Variants in ENTREP2 observed in about 807,000 individuals in gnomAD.
ENTREP2 encodes the protein protein ENTREP2.
the ENTREP2 span, among the ~76,000 whole-genome samples, chr15:29,437,113 T>C: frequency 1.3e-5 from 2 of 152,230 alleles, no homozygotes. Context: ...GTCCCTGACT[T>C]TTCCTATCCC....
the ENTREP2 span, among the ~76,000 whole-genome samples, chr15:29,670,319 A>T: frequency 1.2e-4 from 19 of 152,174 alleles, no homozygotes; most frequent in Admixed American, 5.2e-4. Flanking sequence ...TAGAAGTAAG[A>T]TGGCTCTGGG....
the ENTREP2 span, among the ~76,000 whole-genome samples, chr15:29,585,370 A>C: frequency 6.6e-6 from 1 of 152,340 alleles, no homozygotes; most frequent in Non-Finnish European, 1.5e-5. Context: ...CTCGAAAAAA[A>C]GAAATAGCCA....
chr15:29,503,941 G>A, the ENTREP2 span, among the ~76,000 whole-genome samples: 14 of 152,180 alleles, frequency 9.2e-5, no homozygotes, highest in Admixed American at 4.6e-4. Flanking sequence ...TCTGTTAAAA[G>A]AACTGAGATG....
chr15:29,552,082 G>C, the ENTREP2 span, among the ~76,000 whole-genome samples: 1 of 152,178 alleles, frequency 6.6e-6, no homozygotes, highest in Non-Finnish European at 1.5e-5. Flanking sequence ...ACAGCATGGA[G>C]TGGGAAATGG....
the ENTREP2 span, among the ~76,000 whole-genome samples, chr15:29,439,590 T>C: frequency 6.6e-6 from 1 of 152,142 alleles, no homozygotes; most frequent in Non-Finnish European, 1.5e-5. Flanking sequence ...ACCAGGGTGA[T>C]TGCTGCTGGG....
the ENTREP2 span, among the ~76,000 whole-genome samples, chr15:29,304,817 C>T: frequency 0.13 from 19,203 of 152,148 alleles, 1,635 homozygotes; most frequent in African/African-American, 0.24. Context: ...TTAGAACTGT[C>T]AGTCCCACTC....
the ENTREP2 span, among the ~76,000 whole-genome samples, chr15:29,646,928 C>T: frequency 1.3e-5 from 2 of 152,336 alleles, no homozygotes; most frequent in Non-Finnish European, 2.9e-5. Context: ...TTCAAACCCA[C>T]TTCTCTATCC....
At chr15:29,398,349 G>A in the ENTREP2 span, among the ~76,000 whole-genome samples, 1 of 151,840 alleles carries the variant, frequency 6.6e-6, no homozygotes, top group Admixed American at 6.6e-5. Context: ...ATATTAATGT[G>A]ACGAAAATGA....
the ENTREP2 span, among the ~76,000 whole-genome samples, chr15:29,345,183 T>C: frequency 5.9e-5 from 9 of 152,104 alleles, no homozygotes; most frequent in African/African-American, 2.2e-4. Context: ...CCGTAACTGA[T>C]GGGAATATTA....
At chr15:29,514,422 T>G in the ENTREP2 span, among the ~76,000 whole-genome samples, 1 of 152,238 alleles carries the variant, frequency 6.6e-6, no homozygotes, top group African/African-American at 2.4e-5. Flanking sequence ...TCTTCCACTG[T>G]GTATACAGAC....
chr15:29,456,723 G>A, the ENTREP2 span, among the ~76,000 whole-genome samples: 1 of 152,190 alleles, frequency 6.6e-6, no homozygotes, highest in African/African-American at 2.4e-5. Context: ...TAGAACGGAA[G>A]GAGAGCTTAG....
At chr15:29,351,916 T>G in the ENTREP2 span, among the ~76,000 whole-genome samples, 17 of 151,014 alleles carry the variant, frequency 1.1e-4, no homozygotes, top group African/African-American at 4.1e-4. Flanking sequence ...TGGGATTACA[T>G]GCACGAGCCA....
At chr15:29,223,762 C>T in the ENTREP2 span, among the ~76,000 whole-genome samples, 1 of 152,136 alleles carries the variant, frequency 6.6e-6, no homozygotes, top group Non-Finnish European at 1.5e-5. Flanking sequence ...TCTGGAGCCC[C>T]TGCGCCTGCA....
the ENTREP2 span, among the ~76,000 whole-genome samples, chr15:29,237,721 G>A: frequency 4.6e-5 from 7 of 152,164 alleles, no homozygotes; most frequent in Non-Finnish European, 1.0e-4. Flanking sequence ...AATGTACAAT[G>A]GTGCAGCTGC....
the ENTREP2 span, among the ~76,000 whole-genome samples, chr15:29,329,145 G>A: frequency 2.8e-3 from 424 of 152,134 alleles, 1 homozygote; most frequent in African/African-American, 9.6e-3. Context: ...GGTGGATCAC[G>A]AGGTCAGGGG....
the ENTREP2 span, among the ~76,000 whole-genome samples, chr15:29,205,952 C>A: frequency 6.6e-6 from 1 of 152,186 alleles, no homozygotes; most frequent in African/African-American, 2.4e-5. Flanking sequence ...ATCTCACTTG[C>A]CTCACTCAGT....
chr15:29,560,777 T>A, the ENTREP2 span, among the ~76,000 whole-genome samples: 12 of 152,056 alleles, frequency 7.9e-5, no homozygotes, highest in South Asian at 2.3e-3. Flanking sequence ...ATGTTCAACA[T>A]GTCCCACAGC....
the ENTREP2 span, among the ~76,000 whole-genome samples, chr15:29,205,562 T>TA: frequency 6.6e-6 from 1 of 152,238 alleles, no homozygotes; most frequent in African/African-American, 2.4e-5. Flanking sequence ...TGCATTTCCC[T>TA]AACCATTAGT....
At chr15:29,319,751 C>T in the ENTREP2 span, among the ~76,000 whole-genome samples, 20 of 152,188 alleles carry the variant, frequency 1.3e-4, no homozygotes, top group Non-Finnish European at 2.4e-4. Context: ...CACAGGGTCC[C>T]GGCTGAGATC....
Sources: gnomAD v4.1 joint callset for allele counts (sites outside exome capture counted in the v4.1 genomes callset) on GRCh38, gnomAD v4.1.1 for gene constraint, MANE v1.5 for transcripts, NCBI Gene and HGNC (gene_info 2026-07-23, HGNC 2026-07-21) for gene names.